Variants in FNIP2 observed in about 807,000 individuals in gnomAD.
FNIP2 encodes the protein folliculin-interacting protein 2.
FNIP2 carries 32 observed loss-of-function variants against 108.7 expected under a neutral mutation model. That is an observed-to-expected ratio of 0.29 (90% CI 0.22 to 0.40). FNIP2 has a LOEUF of 0.40. FNIP2 is among the 10% of genes least tolerant of loss of function. The pLI is 1.00. For synonymous variants in FNIP2, 480 were observed against 496.7 expected, an observed-to-expected ratio of 0.97 and a Z score of 0.45; for missense variants, 1,202 against 1,381.6, an observed-to-expected ratio of 0.87 and a Z score of 2.06.
In FNIP2 at chr4:158,851,313, TC is replaced by T. The variant is rs1349980852; in HGVS notation, c.728-6del. Reference sequence around the variant, plus strand: ...CCTCAACTTTCAAATTCCAAATTCTTCCTACAGCCTCACTAAGCAGTCTTTT... The same window carrying T: ...CCTCAACTTTCAAATTCCAAATTCTTCTACAGCCTCACTAAGCAGTCTTTT... On this transcript the variant is annotated splice_region_variant and splice_polypyrimidine_tract_variant and intron_variant, in intron 7 of 16. Transcript: ENST00000264433. 7 of 1,613,732 alleles carry T rather than the reference TC, an allele frequency of 4.3e-6. No individual in the cohort carries two copies. The South Asian group carries it at 7.7e-5, about 18-fold the overall frequency.
chr4:158,796,212 C>G (rs1776586383), intron 1 of FNIP2, among the ~76,000 whole-genome samples: 1 of 151,966 alleles, frequency 6.6e-6, no homozygotes, highest in Admixed American at 6.6e-5. Context: ...TGGTTTGGGT[C>G]CTAAAAGAAC....
chr4:158,844,964 T>G (rs894406898), intron 7 of FNIP2, among the ~76,000 whole-genome samples: 1 of 152,220 alleles, frequency 6.6e-6, no homozygotes, highest in Non-Finnish European at 1.5e-5. Flanking sequence ...AGATACCTCC[T>G]TAGATAGGAG....
intron 7 of FNIP2, among the ~76,000 whole-genome samples, chr4:158,850,450 C>T (rs1328207261): frequency 6.6e-6 from 1 of 151,732 alleles, no homozygotes; most frequent in African/African-American, 2.4e-5. Flanking sequence ...AGTCCCTCCT[C>T]CCTGCCTGTT....
rs773808061 is a variant in FNIP2, at chr4:158,869,397, G to A, written c.2761G>A (p.Gly921Arg). The A allele has an allele frequency of 1.4e-5, 23 of 1,608,286 alleles. No homozygotes were observed. In the East Asian group the frequency reaches 4.9e-4, roughly 34 times the overall value. Residue 921 changes from glycine to arginine, a missense_variant, in exon 13 of 17, where the codon GGG becomes AGG. Around this residue, in one of 5 missense-constraint regions of FNIP2, gnomAD observed 878 missense variants for 990.3 expected, o/e 0.89. Coordinates refer to ENST00000264433, the MANE Select transcript of FNIP2 (RefSeq NM_020840.3). Reference sequence around the variant, plus strand: ...GGGTCACGGTGGTGACAGGACTGGAGGGTCCTTGGAAGTGGAGCTGCCTCT... The same window carrying A: ...GGGTCACGGTGGTGACAGGACTGGAAGGTCCTTGGAAGTGGAGCTGCCTCT... ...DLGHGGDRTGGSLEVELPLPR... is the reference protein window; with the variant it reads ...DLGHGGDRTGRSLEVELPLPR...
At chr4:158,816,534 A>G (rs575396826) in intron 1 of FNIP2, among the ~76,000 whole-genome samples, 1 of 152,272 alleles carries the variant, frequency 6.6e-6, no homozygotes, top group South Asian at 2.1e-4. Context: ...TGTAATCTCA[A>G]CACTTTGGGA....
chr4:158,833,474 GCTT>G, intron 5 of FNIP2, 51 bp from the exon 6 acceptor site: 1 of 1,102,434 alleles, frequency 9.1e-7, no homozygotes, highest in Non-Finnish European at 1.3e-6. Context: ...AGCTTTAGTA[GCTT>G]CTTGACGTTT....
intron 1 of FNIP2, 66 bp downstream of exon 1, chr4:158,769,385 G>T: frequency 9.0e-7 from 1 of 1,116,214 alleles, no homozygotes; most frequent in Non-Finnish European, 1.2e-6. Context: ...CGCCGGGGAG[G>T]GGACGGGTAG....
chr4:158,790,859 T>G (rs774612278), intron 1 of FNIP2, among the ~76,000 whole-genome samples: 6 of 152,188 alleles, frequency 3.9e-5, no homozygotes, highest in Admixed American at 1.3e-4. Context: ...TTTTTTTCAC[T>G]TAGCACTTTC....
chr4:158,859,246 T>G lies in FNIP2; in HGVS notation c.1047T>G (p.Ser349Arg), dbSNP rs1456549131. 1 of 1,606,612 alleles carries G rather than the reference T, an allele frequency of 6.2e-7. No homozygotes were observed. Among genetic ancestry groups the G allele is most frequent in the Admixed American group, 1.7e-5 (1 of 58,996 alleles). ...LFESHMNRLK[S>R]AIEKAMISCR... ...AATCTCACATGAACAGGCTGAAGAG[T>G]GCAATTGAAAAGGTAATAAGGATGT... Residue 349 changes from serine to arginine, a missense_variant, in exon 9 of 17, where the codon AGT becomes AGG. By Grantham distance (110) the Ser-to-Arg change is moderately radical (BLOSUM62 -1). Around this residue, in one of 5 missense-constraint regions of FNIP2, gnomAD observed 878 missense variants for 990.3 expected, o/e 0.89. Coordinates refer to ENST00000264433, the MANE Select transcript of FNIP2 (RefSeq NM_020840.3).
At chr4:158,786,709 G>GC (rs1224222502) in intron 1 of FNIP2, among the ~76,000 whole-genome samples, 3 of 152,254 alleles carry the variant, frequency 2.0e-5, no homozygotes, top group South Asian at 4.2e-4. Flanking sequence ...CCTGCAGTCA[G>GC]CCTTTGCAAA....
intron 14 of FNIP2, among the ~76,000 whole-genome samples, chr4:158,884,015 C>A (rs186137923): frequency 1.3e-5 from 2 of 149,814 alleles, no homozygotes; most frequent in African/African-American, 4.9e-5. Context: ...TTCCTGCCCC[C>A]CTTCAGGAGA....
chr4:158,798,220 A>G (rs991063631), intron 1 of FNIP2, among the ~76,000 whole-genome samples: 2 of 151,800 alleles, frequency 1.3e-5, no homozygotes, highest in African/African-American at 4.8e-5. Flanking sequence ...ACGCACCACC[A>G]TGCCTGATTA....
chr4:158,817,640 G>A (rs923337222), intron 1 of FNIP2, among the ~76,000 whole-genome samples: 4 of 152,192 alleles, frequency 2.6e-5, no homozygotes, highest in Non-Finnish European at 4.4e-5. Flanking sequence ...TCCGCCTCCC[G>A]GGTTTAAGCA....
chr4:158,851,273 A>AT, intron 7 of FNIP2, 48 bp from the exon 8 acceptor site: 1 of 1,604,962 alleles, frequency 6.2e-7, no homozygotes, highest in Non-Finnish European at 8.5e-7. Context: ...ATGTAGCTAC[A>AT]TGAGGACTAA....
At chr4:158,885,888 C>G (rs1172502160) in intron 14 of FNIP2, among the ~76,000 whole-genome samples, 1 of 152,174 alleles carries the variant, frequency 6.6e-6, no homozygotes, top group Non-Finnish European at 1.5e-5. Context: ...ACAGCTCTTG[C>G]GATTCTCTAA....
rs1389120923 is a variant in FNIP2, at chr4:158,868,576, C to A, written c.1940C>A (p.Ala647Glu). 4 of 1,613,378 alleles carry A rather than the reference C, an allele frequency of 2.5e-6. No homozygotes were observed. Among genetic ancestry groups the A allele is most frequent in the Non-Finnish European group, 3.4e-6 (4 of 1,179,658 alleles). The change falls in exon 13 of 17, where the codon GCA becomes GAA. Residue 647 changes from alanine (A) to glutamate (E), a missense_variant. Coordinates refer to ENST00000264433, the MANE Select transcript of FNIP2 (RefSeq NM_020840.3). The surrounding 1 kb of genome is among the most constrained non-coding windows in gnomAD (Gnocchi z 4.6). ...GACGCTTCCTGGAAACCTCAGAATG[C>A]ATTTTGTGGGGATGAGAAAAATAAA... ...ASDASWKPQN[A>E]FCGDEKNKEA...
chr4:158,859,374 G>T (rs1209589778), intron 9 of FNIP2, 116 bp downstream of exon 9: 2 of 1,212,524 alleles, frequency 1.6e-6, no homozygotes, highest in African/African-American at 3.1e-5. Flanking sequence ...ATCACCTGTA[G>T]CAGTGATAAA....
chr4:158,813,744 C>G (rs898461694), intron 1 of FNIP2, among the ~76,000 whole-genome samples: 38 of 152,144 alleles, frequency 2.5e-4, no homozygotes, highest in African/African-American at 8.9e-4. Context: ...ATCTGAGAAT[C>G]CTTCGCCATG....
chr4:158,876,664 T>C (rs1372112653), intron 14 of FNIP2, among the ~76,000 whole-genome samples: 1 of 152,266 alleles, frequency 6.6e-6, no homozygotes, highest in Non-Finnish European at 1.5e-5. Context: ...GCAGGGACTT[T>C]ATTTTCCTTA....
Sources: allele counts gnomAD v4.1 joint callset (sites outside exome capture counted in the v4.1 genomes callset), GRCh38; gene constraint gnomAD v4.1.1; regional missense constraint gnomAD v4.1.1; non-coding constraint Gnocchi (gnomAD v3.1); transcripts MANE v1.5; gene names NCBI Gene and HGNC (gene_info 2026-07-23, HGNC 2026-07-21).